RORA: variants seen among roughly 807,000 people sequenced by gnomAD.
RORA encodes the protein nuclear receptor ROR-alpha.
In RORA, 7 loss-of-function variants were observed where a neutral mutation model predicts 69.5. The observed-to-expected ratio is 0.10, with a 90% CI of 0.06 to 0.19. The LOEUF is 0.19. RORA is among the 10% of genes least tolerant of loss of function. The pLI is 1.00. For synonymous variants in RORA, 261 were observed against 240.8 expected, an observed-to-expected ratio of 1.08 and a Z score of -0.78; for missense variants, 457 against 663.0, an observed-to-expected ratio of 0.69 and a Z score of 3.41.
intron 1 of RORA, among the ~76,000 whole-genome samples, chr15:61,102,845 T>C (rs768643918): frequency 1.3e-5 from 2 of 152,224 alleles, no homozygotes; most frequent in African/African-American, 4.8e-5. Context: ...TTCCTCCCAG[T>C]TAATAGACTG....
intron 1 of RORA, among the ~76,000 whole-genome samples, chr15:60,831,800 G>A (rs1290099882): frequency 6.6e-6 from 1 of 152,182 alleles, no homozygotes; most frequent in African/African-American, 2.4e-5. Flanking sequence ...TCAATTCTGA[G>A]GATGTCAGAA....
chr15:60,769,292 T>C (rs1296213718), intron 1 of RORA, among the ~76,000 whole-genome samples: 1 of 152,192 alleles, frequency 6.6e-6, no homozygotes, highest in Non-Finnish European at 1.5e-5. Flanking sequence ...CTCTTGCAAA[T>C]ATAATATGAA....
intron 1 of RORA, among the ~76,000 whole-genome samples, chr15:60,878,130 T>A (rs577526323): frequency 7.4e-6 from 1 of 134,428 alleles, no homozygotes. Flanking sequence ...ATCGATGCCA[T>A]CCTGGCTAAC....
intron 1 of RORA, among the ~76,000 whole-genome samples, chr15:61,104,721 T>C (rs2078927886): frequency 6.6e-6 from 1 of 152,182 alleles, no homozygotes; most frequent in Non-Finnish European, 1.5e-5. Flanking sequence ...ACAGGGTCTT[T>C]GCATATCCTG....
At chr15:61,165,280 A>C (rs1256536083) in intron 1 of RORA, among the ~76,000 whole-genome samples, 1 of 152,214 alleles carries the variant, frequency 6.6e-6, no homozygotes, top group African/African-American at 2.4e-5. Context: ...CTGCAACTCC[A>C]ACTGTCATCC....
chr15:60,771,740 G>C (rs1368947727), intron 1 of RORA, among the ~76,000 whole-genome samples: 1 of 152,172 alleles, frequency 6.6e-6, no homozygotes, highest in Non-Finnish European at 1.5e-5. Context: ...TGAATAATAA[G>C]TAATACAAAA....
chr15:61,162,603 A>G (rs1237276791), intron 1 of RORA, among the ~76,000 whole-genome samples: 2 of 152,202 alleles, frequency 1.3e-5, no homozygotes, highest in Non-Finnish European at 2.9e-5. Context: ...TTATAAATTA[A>G]TAGAATTCTA....
intron 1 of RORA, among the ~76,000 whole-genome samples, chr15:61,135,695 A>C (rs2079232759): frequency 6.6e-6 from 1 of 152,104 alleles, no homozygotes. Context: ...CCAGGGAAGC[A>C]GAGAGCAGGA....
rs75981965 is a variant in RORA, at chr15:60,626,292, T to C, written c.196+52365A>G. The stretch of plus-strand genomic sequence containing the variant: ...TGGAACTGACAGGGAAAATGATCCC[T>C]AGGGATTAGGGCCTCCACTGGGCTG... On this transcript the variant is annotated intron_variant, in intron 2 of 10. Coordinates refer to ENST00000335670, the MANE Select transcript of RORA (RefSeq NM_134261.3). Among the ~76,000 whole-genome samples the C allele has an allele frequency of 5.1e-3, 776 of 152,220 alleles. 10 individuals are homozygous for C. In the East Asian group the frequency reaches 0.073, roughly 14 times the overall value.
At chr15:61,063,734 T>G (rs139473644) in intron 1 of RORA, among the ~76,000 whole-genome samples, 342 of 152,340 alleles carry the variant, frequency 2.2e-3, no homozygotes, top group African/African-American at 7.7e-3. Flanking sequence ...CTGGCACATG[T>G]GTGTGGTCAA....
intron 1 of RORA, among the ~76,000 whole-genome samples, chr15:60,732,843 A>T (rs1427935676): frequency 6.6e-6 from 1 of 151,468 alleles, no homozygotes; most frequent in African/African-American, 2.5e-5. Context: ...GTGCACTTAC[A>T]TGCTTCTATA....
chr15:60,985,739 C>G (rs1894182458), intron 1 of RORA, among the ~76,000 whole-genome samples: 1 of 152,014 alleles, frequency 6.6e-6, no homozygotes, highest in Non-Finnish European at 1.5e-5. Flanking sequence ...TGCGCGCCAC[C>G]ATGCCCAGCT....
chr15:61,109,899 T>C (rs1322178030), intron 1 of RORA, among the ~76,000 whole-genome samples: 1 of 152,228 alleles, frequency 6.6e-6, no homozygotes, highest in Non-Finnish European at 1.5e-5. Context: ...TGTGAGTGAT[T>C]TGTTATTACA....
intron 1 of RORA, among the ~76,000 whole-genome samples, chr15:60,691,292 A>G (rs1380186602): frequency 1.3e-5 from 2 of 152,122 alleles, no homozygotes; most frequent in Admixed American, 6.6e-5. Context: ...TATCTTCACA[A>G]TAGTTCCCTC....
chr15:61,065,532 A>C (rs1434367369), intron 1 of RORA, among the ~76,000 whole-genome samples: 1 of 152,190 alleles, frequency 6.6e-6, no homozygotes, highest in East Asian at 1.9e-4. Flanking sequence ...AGGGGAATAA[A>C]ACAAAAAAAA....
chr15:60,677,291 C>G, intron 2 of RORA: 1 of 435,960 alleles, frequency 2.3e-6, no homozygotes, highest in Non-Finnish European at 4.7e-6. Flanking sequence ...TCATCATGAG[C>G]TCAATTATGC....
chr15:60,600,593 T>C (rs1356975314), intron 2 of RORA, among the ~76,000 whole-genome samples: 2 of 152,190 alleles, frequency 1.3e-5, no homozygotes, highest in Non-Finnish European at 2.9e-5. Context: ...GATTTGGGTA[T>C]TTTTTGTTTT....
chr15:61,011,014 A>G (rs1895069611), intron 1 of RORA, among the ~76,000 whole-genome samples: 1 of 152,232 alleles, frequency 6.6e-6, no homozygotes, highest in Non-Finnish European at 1.5e-5. Flanking sequence ...TATGATTATT[A>G]CTTCATGATA....
At chr15:60,782,932 A>T (rs1463078007) in intron 1 of RORA, among the ~76,000 whole-genome samples, 4 of 152,218 alleles carry the variant, frequency 2.6e-5, no homozygotes, top group Non-Finnish European at 4.4e-5. Flanking sequence ...GGTAACCAAA[A>T]TTATAAAGAT....
Sources: allele counts gnomAD v4.1 joint callset (sites outside exome capture counted in the v4.1 genomes callset), GRCh38; gene constraint gnomAD v4.1.1; transcripts MANE v1.5; gene names NCBI Gene and HGNC (gene_info 2026-07-23, HGNC 2026-07-21).